KDM4C: variants seen among roughly 807,000 people sequenced by gnomAD.
KDM4C encodes lysine demethylase 4C, also known as lysine-specific demethylase 4C.
In KDM4C, 81 loss-of-function variants were observed where a neutral mutation model predicts 129.3. The observed-to-expected ratio is 0.63, with a 90% CI of 0.52 to 0.75. The LOEUF (loss-of-function observed/expected upper bound fraction) is 0.75. Among genes scored for constraint, KDM4C ranks in the 30% least tolerant of loss-of-function variants. The pLI is 0.00. For missense variants in KDM4C, 1,457 were observed against 1,304.0 expected (o/e 1.12, Z -1.81); for synonymous variants, 573 against 456.1 (o/e 1.26, Z -3.26).
At chr9:7,076,731 T>C (rs1457108918) in intron 17 of KDM4C, 2 of 1,195,306 alleles carry the variant, frequency 1.7e-6, no homozygotes, top group Admixed American at 4.2e-5. Flanking sequence ...CTATGTGGGG[T>C]AAAATGACTT....
intron 1 of KDM4C, among the ~76,000 whole-genome samples, chr9:6,743,440 C>T (rs4008332): frequency 0.12 from 17,522 of 151,904 alleles, 1,244 homozygotes; most frequent in East Asian, 0.21. Flanking sequence ...TCACAGTTAT[C>T]TTATGTTGTT....
chr9:6,975,016 T>C (rs1438391670), intron 8 of KDM4C: 5 of 152,248 alleles, frequency 3.3e-5, no homozygotes, highest in African/African-American at 1.2e-4. Context: ...ACTATTTGAA[T>C]CCATTCCCCT....
rs143603842 is a variant in KDM4C, at chr9:6,860,566, G to C, written c.629+10866G>C. Among the ~76,000 whole-genome samples, 627 of 152,228 alleles carry C rather than the reference G, an allele frequency of 4.1e-3. 1 individual carries two copies. The highest frequency in any genetic ancestry group is 0.014 in the African/African-American group (601 of 41,542). On this transcript the variant is annotated intron_variant, in intron 5 of 21. Transcript: ENST00000381309. ...TCCCTACAACCAACCCCCATGACAT[G>C]AGTTTACCTGTATAACAAACCTTCA... is the stretch of plus-strand genomic sequence containing the variant.
chr9:7,159,810 TG>T (rs1391615425), intron 19 of KDM4C, among the ~76,000 whole-genome samples: 1 of 152,180 alleles, frequency 6.6e-6, no homozygotes, highest in African/African-American at 2.4e-5. Flanking sequence ...TTATGTGTCT[TG>T]GGGTTGCTCT....
At chr9:6,874,909 G>T (rs1263551476) in intron 5 of KDM4C, among the ~76,000 whole-genome samples, 1 of 149,768 alleles carries the variant, frequency 6.7e-6, no homozygotes, top group Non-Finnish European at 1.5e-5. Flanking sequence ...GGGCAACATA[G>T]TGAAACCCTC....
chr9:6,725,856 A>C (rs1431004800), intron 1 of KDM4C, among the ~76,000 whole-genome samples: 3 of 133,090 alleles, frequency 2.3e-5, no homozygotes, highest in Non-Finnish European at 3.2e-5. Flanking sequence ...ATTACAGGCA[A>C]CTGCCACCAC....
intron 8 of KDM4C, among the ~76,000 whole-genome samples, chr9:6,913,399 A>G (rs766412703): frequency 6.6e-6 from 1 of 152,212 alleles, no homozygotes; most frequent in Non-Finnish European, 1.5e-5. Flanking sequence ...TAAAGAATCT[A>G]ATGCACTGTC....
chr9:7,129,346 A>G (rs997673146), intron 19 of KDM4C, among the ~76,000 whole-genome samples: 1 of 152,218 alleles, frequency 6.6e-6, no homozygotes, highest in Non-Finnish European at 1.5e-5. Flanking sequence ...TGGCAAGTAT[A>G]TAAACAAAAG....
At chr9:6,949,713 G>A (rs1211697959) in intron 8 of KDM4C, among the ~76,000 whole-genome samples, 2 of 152,132 alleles carry the variant, frequency 1.3e-5, no homozygotes, top group Non-Finnish European at 2.9e-5. Context: ...GTGGCGGCGC[G>A]CGCCTGCAAT....
chr9:7,106,392 G>T (rs925595222), intron 18 of KDM4C, among the ~76,000 whole-genome samples: 1 of 152,172 alleles, frequency 6.6e-6, no homozygotes, highest in Non-Finnish European at 1.5e-5. Flanking sequence ...GGCAATTGCC[G>T]AATCATAGCA....
At chr9:6,847,726 A>G (rs539495546) in intron 4 of KDM4C, among the ~76,000 whole-genome samples, 2 of 152,294 alleles carry the variant, frequency 1.3e-5, no homozygotes, top group African/African-American at 2.4e-5. Context: ...CCAGTTTCCA[A>G]ATAACAAGCT....
chr9:6,827,242 G>C (rs998337269), intron 4 of KDM4C, among the ~76,000 whole-genome samples: 6 of 152,336 alleles, frequency 3.9e-5, no homozygotes, highest in African/African-American at 1.4e-4. Context: ...TTTTCTCAGA[G>C]TCTTCATCTA....
chr9:6,837,239 G>T (rs574999156), intron 4 of KDM4C, among the ~76,000 whole-genome samples: 2 of 152,006 alleles, frequency 1.3e-5, no homozygotes, highest in African/African-American at 4.8e-5. Flanking sequence ...TGTATTTTTT[G>T]TCGAGATGGG....
chr9:7,085,118 C>T (rs146845168), intron 17 of KDM4C, among the ~76,000 whole-genome samples: 2 of 152,268 alleles, frequency 1.3e-5, no homozygotes, highest in East Asian at 3.9e-4. Context: ...AGGCACTCAG[C>T]ACAGCAGAGT....
At chr9:6,996,120 C>T (rs1401150026) in intron 12 of KDM4C, among the ~76,000 whole-genome samples, 2 of 152,226 alleles carry the variant, frequency 1.3e-5, no homozygotes, top group Admixed American at 1.3e-4. Context: ...TCTCATCCCT[C>T]ACCCACTTTG....
chr9:7,006,193 G>A (rs1821641450), intron 12 of KDM4C, among the ~76,000 whole-genome samples: 1 of 152,148 alleles, frequency 6.6e-6, no homozygotes, highest in Admixed American at 6.5e-5. Flanking sequence ...AAAACTTTTG[G>A]AGTTTCTCTG....
At chr9:7,033,259 G>A (rs927940803) in intron 15 of KDM4C, among the ~76,000 whole-genome samples, 59 of 151,962 alleles carry the variant, frequency 3.9e-4, no homozygotes, top group Non-Finnish European at 2.1e-4. Context: ...GAAAAAGAAA[G>A]GCCCGGTTCT....
intron 8 of KDM4C, among the ~76,000 whole-genome samples, chr9:6,944,015 T>A (rs1254112181): frequency 6.6e-6 from 1 of 152,198 alleles, no homozygotes; most frequent in Non-Finnish European, 1.5e-5. Context: ...TATTTAAATG[T>A]AAAAATGTCA....
rs201107490 is a variant in KDM4C at position 7,053,789 on chromosome 9, T to TA, written c.2424+4596dup. Among the ~76,000 whole-genome samples, 373 of 152,244 alleles carry TA rather than the reference T, an allele frequency of 2.5e-3. 9 individuals are homozygous for TA. The East Asian group carries it at 0.025, about 10-fold the overall frequency. On this transcript the variant is annotated intron_variant, in intron 17 of 21. Coordinates refer to ENST00000381309, the MANE Select transcript of KDM4C (RefSeq NM_015061.6). ...TTATTAAAGTAATTGCTGCCCCAGC[T>TA]AAAAAAATGCTACAGGTTGCTATCC... is the stretch of plus-strand genomic sequence containing the variant.
Sources: gnomAD v4.1 joint callset for allele counts (sites outside exome capture counted in the v4.1 genomes callset) on GRCh38, gnomAD v4.1.1 for gene constraint, MANE v1.5 for transcripts, NCBI Gene and HGNC (gene_info 2026-07-23, HGNC 2026-07-21) for gene names.